The following SPATA17 variants were observed in gnomAD, a reference collection of about 807,000 sequenced individuals.
The protein encoded by SPATA17 is spermatogenesis associated 17.
SPATA17 carries 53 observed loss-of-function variants against 62.2 expected under a neutral mutation model. That is an observed-to-expected ratio of 0.85 (90% CI 0.68 to 1.07). The LOEUF is 1.07. Ranked by LOEUF, SPATA17 falls within the 50% of genes least tolerant of loss-of-function variation. SPATA17 has a pLI of 0.00. For missense variants in SPATA17, 466 were observed against 425.5 expected (o/e 1.10, Z -0.84); for synonymous variants, 146 against 146.8 (o/e 0.99, Z 0.04).
chr1:217,675,380 T>TTTTATG (rs1670923518), intron 4 of SPATA17, among the ~76,000 whole-genome samples: 1 of 152,216 alleles, frequency 6.6e-6, no homozygotes, highest in African/African-American at 2.4e-5. Flanking sequence ...TGCTAATCTG[T>TTTTATG]CCACTTCAAC....
chr1:217,823,283 C>T (rs1226550394), intron 9 of SPATA17, among the ~76,000 whole-genome samples: 1 of 152,104 alleles, frequency 6.6e-6, no homozygotes, highest in East Asian at 1.9e-4. Context: ...TCAGGAAAGA[C>T]TTCTTTCCTG....
At chr1:217,772,033 T>A (rs1301244053) in intron 6 of SPATA17, among the ~76,000 whole-genome samples, 1 of 152,220 alleles carries the variant, frequency 6.6e-6, no homozygotes, top group East Asian at 1.9e-4. Context: ...TCATCACTGA[T>A]GAGAATGGTA....
chr1:217,816,594 T>A (rs989386065), intron 9 of SPATA17, among the ~76,000 whole-genome samples: 1 of 151,894 alleles, frequency 6.6e-6, no homozygotes, highest in African/African-American at 2.4e-5. Context: ...GAATATAAAG[T>A]TTGCTATTGG....
chr1:217,651,125 CA>C lies in SPATA17; in HGVS notation c.192del (p.Lys64AsnfsTer7), dbSNP rs1320176864. ...TTTAAACAGGATTGTAACAATTATT[CA>C]AAAATGGTGGAGAAGTTTCTTAGGC... ...RHLNRIVTII[Q>X]KWWRSFLGRK... On this transcript the variant is annotated frameshift_variant, in exon 3 of 11. Transcript: ENST00000366933. LOFTEE classifies it high-confidence loss of function. 6.2e-7 allele frequency: 1 copy of C among 1,608,498 alleles called. No homozygotes were observed. The highest frequency in any genetic ancestry group is 1.1e-5 in the South Asian group (1 of 89,520).
intron 1 of SPATA17, among the ~76,000 whole-genome samples, chr1:217,640,566 G>T (rs990479131): frequency 2.0e-5 from 3 of 152,028 alleles, no homozygotes; most frequent in Admixed American, 6.6e-5. Context: ...TAAGTTGTGT[G>T]TAAGAGTATT....
intron 6 of SPATA17, among the ~76,000 whole-genome samples, chr1:217,746,454 A>G (rs1672753394): frequency 9.6e-6 from 1 of 103,922 alleles, no homozygotes; most frequent in Non-Finnish European, 2.4e-5. Context: ...CTTACTTTAG[A>G]TGAGTTAGAA....
At chr1:217,792,305 AAGAAACTAAGGGGGT>A (rs1674012082) in intron 8 of SPATA17, among the ~76,000 whole-genome samples, 1 of 152,164 alleles carries the variant, frequency 6.6e-6, no homozygotes, top group Non-Finnish European at 1.5e-5. Flanking sequence ...AAGGAAACTC[AAGAAACTAAGGGGGT>A]GTTTAAAAGA....
intron 9 of SPATA17, among the ~76,000 whole-genome samples, chr1:217,836,902 A>T (rs1413363791): frequency 6.6e-6 from 1 of 152,188 alleles, no homozygotes; most frequent in Non-Finnish European, 1.5e-5. Flanking sequence ...TAACAATACT[A>T]AGATGAATTA....
chr1:217,857,190 GT>G (rs1467998948), intron 9 of SPATA17, among the ~76,000 whole-genome samples: 2 of 152,128 alleles, frequency 1.3e-5, no homozygotes, highest in Non-Finnish European at 2.9e-5. Context: ...TAACATCGAA[GT>G]ATTTAAGCAC....
At chr1:217,657,366 T>A (rs1670467620) in intron 3 of SPATA17, among the ~76,000 whole-genome samples, 1 of 152,174 alleles carries the variant, frequency 6.6e-6, no homozygotes, top group Non-Finnish European at 1.5e-5. Flanking sequence ...CACCTCACAC[T>A]GCTCTGCCCA....
intron 8 of SPATA17, among the ~76,000 whole-genome samples, chr1:217,792,665 C>T (rs201548636): frequency 6.6e-6 from 1 of 152,058 alleles, no homozygotes; most frequent in Non-Finnish European, 1.5e-5. Flanking sequence ...CTCACATACC[C>T]CATAGGCTTG....
chr1:217,700,111 AT>A (rs1558570773), intron 5 of SPATA17, among the ~76,000 whole-genome samples: 1 of 150,296 alleles, frequency 6.7e-6, no homozygotes, highest in Non-Finnish European at 1.5e-5. Flanking sequence ...CTTTCACTCT[AT>A]TTTTTTTCAA....
intron 5 of SPATA17, among the ~76,000 whole-genome samples, chr1:217,719,107 C>T (rs1437236555): frequency 2.0e-5 from 3 of 152,176 alleles, no homozygotes; most frequent in Non-Finnish European, 2.9e-5. Flanking sequence ...CCAATAGGCC[C>T]CTAGTGGGCT....
intron 5 of SPATA17, among the ~76,000 whole-genome samples, chr1:217,724,212 T>C (rs1002377380): frequency 4.6e-5 from 7 of 152,260 alleles, no homozygotes; most frequent in African/African-American, 1.4e-4. Flanking sequence ...ATCATTAATC[T>C]GCAAGAAATT....
intron 9 of SPATA17, among the ~76,000 whole-genome samples, chr1:217,862,433 C>A (rs1316023079): frequency 1.3e-5 from 2 of 152,056 alleles, no homozygotes; most frequent in Admixed American, 1.3e-4. Flanking sequence ...ATTTATTATG[C>A]AGAAAACAAA....
intron 9 of SPATA17, among the ~76,000 whole-genome samples, chr1:217,822,765 T>C (rs899359943): frequency 2.1e-5 from 3 of 144,514 alleles, no homozygotes; most frequent in Non-Finnish European, 4.6e-5. Context: ...TGTTTTTTAA[T>C]GTATGGGTTT....
intron 6 of SPATA17, among the ~76,000 whole-genome samples, chr1:217,755,129 CA>C (rs1390242205): frequency 2.6e-5 from 4 of 151,332 alleles, no homozygotes; most frequent in East Asian, 3.9e-4. Context: ...AATTACAAAA[CA>C]AAAAAAGAGG....
rs1347709943 is a variant in SPATA17, at chr1:217,816,198, G to A, written c.1005+14348G>A. Among the ~76,000 whole-genome samples, 10 of 152,006 alleles carry A rather than the reference G, an allele frequency of 6.6e-5. No individual in the cohort carries two copies. In the East Asian group the frequency reaches 1.9e-3, roughly 29 times the overall value. On this transcript the variant is annotated intron_variant, in intron 9 of 10. Coordinates refer to ENST00000366933, the MANE Select transcript of SPATA17 (RefSeq NM_138796.4). The stretch of plus-strand genomic sequence containing the variant: ...ACTGAGTCTTAGCATTCAAGAACAT[G>A]CTTTGTCTCTCAATTTATTAAAAAA...
chr1:217,690,028 G>A (rs997026355), intron 5 of SPATA17, among the ~76,000 whole-genome samples: 5 of 151,626 alleles, frequency 3.3e-5, no homozygotes, highest in Admixed American at 6.6e-5. Context: ...CTCAGCCTCC[G>A]AGTAGCTGGG....
Sources: allele counts gnomAD v4.1 joint callset (sites outside exome capture counted in the v4.1 genomes callset), GRCh38; gene constraint gnomAD v4.1.1; transcripts MANE v1.5; gene names NCBI Gene and HGNC (gene_info 2026-07-23, HGNC 2026-07-21).